ENOX1: variants seen among roughly 807,000 people sequenced by gnomAD.
ENOX1 encodes candidate growth-related and time keeping constitutive hydroquinone (NADH) oxidase.
ENOX1 carries 42 observed loss-of-function variants against 82.5 expected under a neutral mutation model. The ratio of observed to expected loss-of-function variants is 0.51; its 90% CI spans 0.40 to 0.66. The LOEUF is 0.66. ENOX1 is among the 30% of genes least tolerant of loss of function. ENOX1 has a pLI of 0.00. For synonymous variants in ENOX1, 271 were observed against 282.2 expected (o/e 0.96, Z 0.40); for missense variants, 608 against 811.6 (o/e 0.75, Z 3.05).
At chr13:43,536,401 T>C (rs2078462085) in intron 2 of ENOX1, among the ~76,000 whole-genome samples, 1 of 152,230 alleles carries the variant, frequency 6.6e-6, no homozygotes, top group Non-Finnish European at 1.5e-5. Flanking sequence ...TCCTGTTTCA[T>C]AGAAAAGTTT....
rs551748430 is a variant in ENOX1 at position 43,689,612 on chromosome 13, C to A, written c.-284-22068G>T. 5.9e-5 allele frequency among the ~76,000 whole-genome samples: 9 copies of A among 152,302 alleles called. No homozygotes were observed. The South Asian group carries it at 1.9e-3, about 32-fold the overall frequency. ...ACCATGCAGATGGACTGCTTTAGGG[C>A]TATGTGTCATAATATTCATTTTTTC... On this transcript the variant is annotated intron_variant, in intron 1 of 16. Transcript: ENST00000690772.
chr13:43,328,725 T>C (rs1465610590), intron 9 of ENOX1, among the ~76,000 whole-genome samples: 1 of 152,160 alleles, frequency 6.6e-6, no homozygotes. Flanking sequence ...TCCCCTAATA[T>C]CTACTCAAGC....
At chr13:43,620,614 T>C (rs990436403) in intron 2 of ENOX1, among the ~76,000 whole-genome samples, 12 of 152,180 alleles carry the variant, frequency 7.9e-5, no homozygotes, top group Non-Finnish European at 1.6e-4. Flanking sequence ...ACAGAGTGCT[T>C]GATATAATTT....
chr13:43,682,942 C>T (rs1388890969), intron 1 of ENOX1, among the ~76,000 whole-genome samples: 1 of 152,212 alleles, frequency 6.6e-6, no homozygotes, highest in African/African-American at 2.4e-5. Context: ...CATATAAGGG[C>T]TGGTTGCCAT....
chr13:43,723,803 C>T (rs2088738518), intron 1 of ENOX1, among the ~76,000 whole-genome samples: 1 of 151,734 alleles, frequency 6.6e-6, no homozygotes, highest in Admixed American at 6.6e-5. Flanking sequence ...ATACACATGA[C>T]AGGAAGAATT....
intron 1 of ENOX1, among the ~76,000 whole-genome samples, chr13:43,730,236 G>A (rs960289785): frequency 8.5e-5 from 13 of 152,162 alleles, no homozygotes; most frequent in Admixed American, 7.9e-4. Flanking sequence ...GAGGAAGAAA[G>A]GTGGTATCTC....
At chr13:43,566,799 C>A (rs1593853380) in intron 2 of ENOX1, among the ~76,000 whole-genome samples, 2 of 152,004 alleles carry the variant, frequency 1.3e-5, no homozygotes, top group East Asian at 3.9e-4. Context: ...GAATTATATT[C>A]TAAATAAGTT....
intron 2 of ENOX1, among the ~76,000 whole-genome samples, chr13:43,557,438 A>G (rs2153703061): frequency 6.6e-6 from 1 of 152,270 alleles, no homozygotes; most frequent in East Asian, 1.9e-4. Context: ...TCCTCACAGG[A>G]ACAGGGATGA....
chr13:43,465,910 G>A (rs1263310813), intron 3 of ENOX1, among the ~76,000 whole-genome samples: 2 of 152,080 alleles, frequency 1.3e-5, no homozygotes, highest in African/African-American at 2.4e-5. Flanking sequence ...GTCTTCTTTT[G>A]AAGAGATTTC....
intron 2 of ENOX1, among the ~76,000 whole-genome samples, chr13:43,623,241 G>A (rs1376290927): frequency 3.9e-5 from 6 of 152,100 alleles, no homozygotes; most frequent in Non-Finnish European, 7.4e-5. Flanking sequence ...TCTGCACACC[G>A]GATTTGCGCC....
At position 43,411,914 on chromosome 13, in the gene ENOX1, A is replaced by G. The variant is rs776417663; in HGVS notation, c.208+2T>C. On this transcript the variant is annotated splice_donor_variant, in intron 5 of 16. Coordinates refer to ENST00000690772, the MANE Select transcript of ENOX1 (RefSeq NM_001347969.2). LOFTEE classifies it high-confidence loss of function. ...CATCTCTGAAACCAGGAGAAAGCTT[A>G]CCAGACACGAGCTGCTGTCCAGGCA... 6.2e-7 allele frequency: 1 copy of G among 1,614,144 alleles called. No individual in the cohort carries two copies. Among genetic ancestry groups the G allele is most frequent in the Non-Finnish European group, 8.5e-7 (1 of 1,179,990 alleles).
intron 12 of ENOX1, among the ~76,000 whole-genome samples, chr13:43,285,497 G>A (rs1027761801): frequency 6.6e-6 from 1 of 151,946 alleles, no homozygotes; most frequent in Non-Finnish European, 1.5e-5. Flanking sequence ...CGAGACCCAG[G>A]AAAACTGCTA....
intron 3 of ENOX1, among the ~76,000 whole-genome samples, chr13:43,438,563 T>C (rs929864619): frequency 6.6e-6 from 1 of 152,164 alleles, no homozygotes; most frequent in African/African-American, 2.4e-5. Context: ...AGGAGGAAAA[T>C]GTAAGTTTTC....
chr13:43,655,290 G>A (rs2084378445), intron 2 of ENOX1, among the ~76,000 whole-genome samples: 1 of 152,204 alleles, frequency 6.6e-6, no homozygotes, highest in African/African-American at 2.4e-5. Flanking sequence ...AAGCTGGGAA[G>A]AGAACCGACC....
intron 3 of ENOX1, among the ~76,000 whole-genome samples, chr13:43,435,101 C>T (rs1355098454): frequency 2.0e-5 from 3 of 151,928 alleles, no homozygotes; most frequent in African/African-American, 7.3e-5. Flanking sequence ...TGTCTGGTCA[C>T]TTATGATGAG....
chr13:43,717,710 C>A (rs2088244957), intron 1 of ENOX1, among the ~76,000 whole-genome samples: 1 of 151,960 alleles, frequency 6.6e-6, no homozygotes, highest in African/African-American at 2.4e-5. Context: ...ATAAATAAAG[C>A]AATTTAAAAA....
At chr13:43,539,814 C>A (rs565718870) in intron 2 of ENOX1, among the ~76,000 whole-genome samples, 10 of 152,192 alleles carry the variant, frequency 6.6e-5, no homozygotes, top group African/African-American at 2.4e-4. Flanking sequence ...TTCTGTCAAT[C>A]TTTGATCTAA....
At chr13:43,544,627 T>G (rs984059417) in intron 2 of ENOX1, 4 of 152,138 alleles carry the variant, frequency 2.6e-5, no homozygotes, top group African/African-American at 9.7e-5. Context: ...AAAATAATTA[T>G]AGAAATCAAG....
chr13:43,543,816 TC>T (rs1188610664), intron 2 of ENOX1: 5 of 149,032 alleles, frequency 3.4e-5, no homozygotes, highest in Non-Finnish European at 5.9e-5. Context: ...ATCATCTTTC[TC>T]TTTTATCTCT....
Sources: gnomAD v4.1 joint callset for allele counts (sites outside exome capture counted in the v4.1 genomes callset) on GRCh38, gnomAD v4.1.1 for gene constraint, MANE v1.5 for transcripts, NCBI Gene and HGNC (gene_info 2026-07-23, HGNC 2026-07-21) for gene names.